ARHGEF28: variants seen among roughly 807,000 people sequenced by gnomAD.
ARHGEF28 encodes the protein Rho guanine nucleotide exchange factor 28, also known as 190 kDa guanine nucleotide exchange factor.
Under a neutral mutation model 206.6 loss-of-function variants are expected in ARHGEF28, and 152 were observed. The ratio of observed to expected loss-of-function variants is 0.74; its 90% CI spans 0.64 to 0.84. The LOEUF is 0.84. ARHGEF28 is among the 40% of genes least tolerant of loss of function. The probability of loss-of-function intolerance (pLI) is 0.00; values close to 1 mark genes in which losing one functional copy is unlikely to be tolerated. For synonymous variants in ARHGEF28, 763 were observed against 776.4 expected (o/e 0.98, Z 0.29); for missense variants, 2,028 against 2,073.2 (o/e 0.98, Z 0.42).
At chr5:73,655,259 A>G (rs1745112927) in intron 1 of ARHGEF28, among the ~76,000 whole-genome samples, 1 of 152,216 alleles carries the variant, frequency 6.6e-6, no homozygotes, top group Non-Finnish European at 1.5e-5. Context: ...AGTTTGGCCT[A>G]ACTATGGTTC....
intron 10 of ARHGEF28, among the ~76,000 whole-genome samples, chr5:73,833,035 A>C (rs1174534095): frequency 2.0e-5 from 3 of 152,238 alleles, no homozygotes; most frequent in Non-Finnish European, 4.4e-5. Context: ...CTTTTGAGTT[A>C]AATCTCACAG....
chr5:73,814,668 C>T lies in ARHGEF28; in HGVS notation c.1025-17670C>T, dbSNP rs575083730. Among the ~76,000 whole-genome samples, 22 of 152,134 alleles carry T rather than the reference C, an allele frequency of 1.4e-4. 1 individual carries two copies. The South Asian group carries it at 3.7e-3, about 26-fold the overall frequency. On this transcript the variant is annotated intron_variant, in intron 9 of 35. Coordinates refer to ENST00000513042, the MANE Select transcript of ARHGEF28 (RefSeq NM_001177693.2). ...GGGTTGCCTCTGCAGTGCTGTCCTT[C>T]GGGAGCATACCTGTTCTAGGGAGCA...
intron 9 of ARHGEF28, among the ~76,000 whole-genome samples, chr5:73,801,158 G>A (rs1040679435): frequency 6.6e-6 from 1 of 152,172 alleles, no homozygotes; most frequent in African/African-American, 2.4e-5. Flanking sequence ...TTTTTAAAGA[G>A]GATCTTGGCC....
chr5:73,882,695 CT>C, intron 23 of ARHGEF28, 101 bp downstream of exon 23: 1 of 1,111,708 alleles, frequency 9.0e-7, no homozygotes, highest in Non-Finnish European at 1.2e-6. Context: ...GCTAATGATG[CT>C]TTTCAGGGGA....
intron 2 of ARHGEF28, among the ~76,000 whole-genome samples, chr5:73,721,599 G>T (rs560988977): frequency 6.6e-6 from 1 of 151,966 alleles, no homozygotes; most frequent in South Asian, 2.1e-4. Context: ...CAGAATCAGG[G>T]TCTCACTCTG....
chr5:73,674,839 T>A (rs2112225214), intron 1 of ARHGEF28, among the ~76,000 whole-genome samples: 1 of 152,342 alleles, frequency 6.6e-6, no homozygotes, highest in East Asian at 1.9e-4. Flanking sequence ...TTGGAACTAC[T>A]GGATGGCAGA....
intron 35 of ARHGEF28, among the ~76,000 whole-genome samples, chr5:73,912,412 T>C (rs78313679): frequency 0.024 from 3,637 of 152,324 alleles, 144 homozygotes; most frequent in African/African-American, 0.082. Flanking sequence ...GATACAGATT[T>C]GTTTCTATGC....
At chr5:73,928,592 T>G (rs1449862488) in intron 35 of ARHGEF28, among the ~76,000 whole-genome samples, 1 of 152,204 alleles carries the variant, frequency 6.6e-6, no homozygotes, top group Non-Finnish European at 1.5e-5. Context: ...CTTGTATGCT[T>G]AAGAATTTTA....
At chr5:73,637,954 G>A (rs940847259) in intron 1 of ARHGEF28, among the ~76,000 whole-genome samples, 1 of 151,870 alleles carries the variant, frequency 6.6e-6, no homozygotes, top group South Asian at 2.1e-4. Context: ...TTCCTGTTAT[G>A]GTGTTCTAAA....
chr5:73,669,530 T>G (rs1377741561), intron 1 of ARHGEF28, among the ~76,000 whole-genome samples: 1 of 152,210 alleles, frequency 6.6e-6, no homozygotes, highest in Non-Finnish European at 1.5e-5. Context: ...TGTTATCAAT[T>G]GTAAGAAACA....
intron 16 of ARHGEF28, among the ~76,000 whole-genome samples, chr5:73,859,773 A>C (rs1347541187): frequency 6.6e-6 from 1 of 151,886 alleles, no homozygotes; most frequent in Non-Finnish European, 1.5e-5. Context: ...TTGTTGTTCC[A>C]CCCTTGTGGG....
chr5:73,789,857 T>C (rs1383390210), intron 7 of ARHGEF28, among the ~76,000 whole-genome samples: 1 of 152,042 alleles, frequency 6.6e-6, no homozygotes, highest in Non-Finnish European at 1.5e-5. Context: ...CCAAATCTTA[T>C]AAGGAGACTG....
chr5:73,806,875 T>C (rs1186705352), intron 9 of ARHGEF28, among the ~76,000 whole-genome samples: 1 of 146,478 alleles, frequency 6.8e-6, no homozygotes, highest in Non-Finnish European at 1.5e-5. Context: ...CTATATATTG[T>C]ATATATTTAT....
At chr5:73,737,999 C>G (rs1386905484) in intron 2 of ARHGEF28, among the ~76,000 whole-genome samples, 1 of 152,148 alleles carries the variant, frequency 6.6e-6, no homozygotes, top group Non-Finnish European at 1.5e-5. Context: ...GCTACAGGAC[C>G]TGAAAGCGCT....
At chr5:73,675,363 G>T (rs1746589603) in intron 1 of ARHGEF28, among the ~76,000 whole-genome samples, 1 of 152,140 alleles carries the variant, frequency 6.6e-6, no homozygotes, top group Admixed American at 6.5e-5. Context: ...TTAAAATGGA[G>T]ACCAACATTT....
At chr5:73,879,813 T>A (rs1387669014) in intron 22 of ARHGEF28, among the ~76,000 whole-genome samples, 1 of 152,160 alleles carries the variant, frequency 6.6e-6, no homozygotes, top group East Asian at 1.9e-4. Context: ...TACCTGGCCA[T>A]GTGAGGTGTC....
chr5:73,922,864 A>G (rs1335316866), intron 35 of ARHGEF28, among the ~76,000 whole-genome samples: 1 of 152,164 alleles, frequency 6.6e-6, no homozygotes, highest in Non-Finnish European at 1.5e-5. Flanking sequence ...TTACTTGTTA[A>G]TGTATCCAGA....
At chr5:73,831,070 C>T (rs1045805072) in intron 9 of ARHGEF28, among the ~76,000 whole-genome samples, 1 of 152,146 alleles carries the variant, frequency 6.6e-6, no homozygotes, top group African/African-American at 2.4e-5. Flanking sequence ...GTATTAATAA[C>T]CTTGCACTTC....
chr5:73,872,952 T>C, intron 21 of ARHGEF28, 47 bp from the exon 22 acceptor site: 1 of 1,591,220 alleles, frequency 6.3e-7, no homozygotes, highest in Non-Finnish European at 8.6e-7. Context: ...TAGCGAAACT[T>C]GCTTTTTAAA....
Sources: gnomAD v4.1 joint callset for allele counts (sites outside exome capture counted in the v4.1 genomes callset) on GRCh38, gnomAD v4.1.1 for gene constraint, MANE v1.5 for transcripts, NCBI Gene and HGNC (gene_info 2026-07-23, HGNC 2026-07-21) for gene names.